Variants in SNX6 observed in about 807,000 individuals in gnomAD.
SNX6 encodes sorting nexin-6.
A neutral mutation model predicts 63.0 loss-of-function variants in SNX6; 34 were observed. That is an observed-to-expected ratio of 0.54 (90% CI 0.41 to 0.72). The LOEUF (loss-of-function observed/expected upper bound fraction) is 0.72, where lower values mean the gene tolerates loss of function less well. SNX6 is among the 30% of genes least tolerant of loss of function. SNX6 has a pLI of 0.00. For synonymous variants in SNX6, 170 were observed against 164.2 expected, an observed-to-expected ratio of 1.04 and a Z score of -0.27; for missense variants, 398 against 471.4, an observed-to-expected ratio of 0.84 and a Z score of 1.44.
intron 6 of SNX6, 96 bp from the exon 7 acceptor site, chr14:34,597,741 TA>T: frequency 1.5e-6 from 1 of 663,610 alleles, no homozygotes; most frequent in Non-Finnish European, 2.6e-6. Context: ...AAAAGGATCC[TA>T]GTTTTTAATC....
At chr14:34,569,170 C>T (rs750416306) in intron 11 of SNX6, 4 of 744,730 alleles carry the variant, frequency 5.4e-6, no homozygotes, top group Non-Finnish European at 7.3e-6. Context: ...GGGGAAAGGG[C>T]TCAGTCCGTT....
chr14:34,590,122 A>C (rs1221882645), intron 8 of SNX6, among the ~76,000 whole-genome samples: 9 of 151,738 alleles, frequency 5.9e-5, no homozygotes, highest in Non-Finnish European at 1.2e-4. Flanking sequence ...ACAACAAAAA[A>C]CAACAACAAC....
intron 11 of SNX6, among the ~76,000 whole-genome samples, chr14:34,572,736 C>T (rs1470425722): frequency 6.6e-6 from 1 of 151,740 alleles, no homozygotes. Context: ...GCCGGAGTGC[C>T]GTGGCGCGAT....
rs771262594 is a variant in SNX6 at position 34,573,623 on chromosome 14, C to G, written c.921+2133G>C. 3.4e-5 allele frequency among the ~76,000 whole-genome samples: 5 copies of G among 145,608 alleles called. No homozygotes were observed. The South Asian group carries it at 6.5e-4, about 19-fold the overall frequency. ...GTTAGTGTTTTAGTCTTGCACACAG[C>G]TTTTTTTTTTTAATTAATTAATTTA... is the stretch of plus-strand genomic sequence containing the variant. On this transcript the variant is annotated intron_variant, in intron 11 of 13. Transcript: ENST00000362031.
chr14:34,590,438 A>G (rs1164614695), intron 8 of SNX6, among the ~76,000 whole-genome samples: 2 of 152,002 alleles, frequency 1.3e-5, no homozygotes, highest in Non-Finnish European at 1.5e-5. Context: ...CTCAAAAAAA[A>G]AAAAAAAGAA....
intron 10 of SNX6, among the ~76,000 whole-genome samples, chr14:34,577,467 C>T (rs896587461): frequency 2.0e-5 from 3 of 152,086 alleles, no homozygotes; most frequent in Admixed American, 6.6e-5. Flanking sequence ...CTAGGTAATT[C>T]AATCTAATCC....
chr14:34,577,392 A>G (rs1881753256), intron 10 of SNX6, among the ~76,000 whole-genome samples: 1 of 152,122 alleles, frequency 6.6e-6, no homozygotes, highest in African/African-American at 2.4e-5. Flanking sequence ...CCCAGCCTCT[A>G]TTCATTTCAA....
intron 2 of SNX6, among the ~76,000 whole-genome samples, chr14:34,619,757 C>T (rs1175425857): frequency 1.3e-5 from 2 of 152,162 alleles, no homozygotes; most frequent in Admixed American, 6.6e-5. Context: ...TGTCGGCACT[C>T]CCTCTGCTTC....
At chr14:34,584,535 G>T (rs35257621) in intron 9 of SNX6, among the ~76,000 whole-genome samples, 2 of 151,570 alleles carry the variant, frequency 1.3e-5, no homozygotes, top group Admixed American at 6.6e-5. Flanking sequence ...GTCTTCCGGG[G>T]GGCGGGTGGC....
chr14:34,599,311 A>C (rs991247272), intron 6 of SNX6, among the ~76,000 whole-genome samples: 1 of 152,074 alleles, frequency 6.6e-6, no homozygotes, highest in African/African-American at 2.4e-5. Context: ...TGCTCATTAT[A>C]ATCTAATCTC....
chr14:34,580,814 C>G (rs1016412298), intron 10 of SNX6, among the ~76,000 whole-genome samples: 1 of 151,842 alleles, frequency 6.6e-6, no homozygotes, highest in Non-Finnish European at 1.5e-5. Context: ...ACCACCACAC[C>G]TAGCTAATTT....
chr14:34,622,604 TCCCAC>T (rs1883668895), intron 2 of SNX6, among the ~76,000 whole-genome samples: 1 of 149,248 alleles, frequency 6.7e-6, no homozygotes, highest in Non-Finnish European at 1.5e-5. Flanking sequence ...CCTCAGTACT[TCCCAC>T]TGCCTGGAGT....
At chr14:34,628,386 G>A (rs1382006179) in intron 2 of SNX6, among the ~76,000 whole-genome samples, 1 of 152,198 alleles carries the variant, frequency 6.6e-6, no homozygotes, top group Non-Finnish European at 1.5e-5. Context: ...GTGAACCCGG[G>A]AGGCGGAGCT....
chr14:34,566,859 C>T (rs1881204403), intron 13 of SNX6, among the ~76,000 whole-genome samples: 1 of 149,282 alleles, frequency 6.7e-6, no homozygotes, highest in South Asian at 2.1e-4. Context: ...TAACTGAGCC[C>T]AGGAGTTTGA....
chr14:34,617,566 C>T (rs1883462980), intron 2 of SNX6, among the ~76,000 whole-genome samples: 1 of 143,460 alleles, frequency 7.0e-6, no homozygotes, highest in African/African-American at 2.6e-5. Context: ...TGTGATTGTG[C>T]CACTGCATTC....
intron 2 of SNX6, among the ~76,000 whole-genome samples, chr14:34,624,461 G>A (rs1415502009): frequency 6.6e-6 from 1 of 152,134 alleles, no homozygotes; most frequent in Non-Finnish European, 1.5e-5. Flanking sequence ...TGATGAAAAT[G>A]TACAGCTGCT....
chr14:34,568,001 G>A lies in SNX6; in HGVS notation c.934C>T (p.Arg312Ter), dbSNP rs1208072683. The A allele has an allele frequency of 2.5e-6, 4 of 1,611,006 alleles. No individual in the cohort carries two copies. Among genetic ancestry groups the A allele is most frequent in the Admixed American group, 1.7e-5 (1 of 59,728 alleles). Residue 312 changes from arginine to a stop codon, truncating the protein, a stop_gained, in exon 12 of 14, where the codon CGA becomes TGA. Coordinates refer to ENST00000362031, the MANE Select transcript of SNX6 (RefSeq NM_152233.4). LOFTEE classifies it high-confidence loss of function. Reference protein sequence around the residue: ...ESQAAKDLLYRRSRSLVDYEN... With the variant: ...ESQAAKDLLY Reference sequence around the variant, plus strand: ...TAATCCACTAGTGACCTAGACCTTCGATACAGGAGATCCTATAAAACAGAA... The same window carrying A: ...TAATCCACTAGTGACCTAGACCTTCAATACAGGAGATCCTATAAAACAGAA...
chr14:34,615,062 GTTCT>G (rs1175276546), intron 2 of SNX6, among the ~76,000 whole-genome samples: 3 of 151,904 alleles, frequency 2.0e-5, no homozygotes, highest in African/African-American at 4.8e-5. Context: ...TATTAAAACA[GTTCT>G]TTCTCTTCCA....
At chr14:34,586,590 C>A (rs1882165946) in intron 8 of SNX6, among the ~76,000 whole-genome samples, 1 of 152,058 alleles carries the variant, frequency 6.6e-6, no homozygotes, top group African/African-American at 2.4e-5. Context: ...TGCCTGTAAT[C>A]CCAGCTACTC....
Sources: gnomAD v4.1 joint callset for allele counts (sites outside exome capture counted in the v4.1 genomes callset) on GRCh38, gnomAD v4.1.1 for gene constraint, MANE v1.5 for transcripts, NCBI Gene and HGNC (gene_info 2026-07-23, HGNC 2026-07-21) for gene names.